WDR19: variants seen among roughly 807,000 people sequenced by gnomAD.
WDR19 encodes the protein WD repeat-containing protein 19.
Under a neutral mutation model 180.0 loss-of-function variants are expected in WDR19, and 121 were observed. The ratio of observed to expected loss-of-function variants is 0.67; its 90% CI spans 0.58 to 0.78. The LOEUF is 0.78. Among genes scored for constraint, WDR19 ranks in the 30% least tolerant of loss-of-function variants. The pLI, the probability that WDR19 is intolerant of heterozygous loss-of-function variation, is 0.00. For missense variants in WDR19, 1,450 were observed against 1,640.7 expected (o/e 0.88, Z 2.01); for synonymous variants, 497 against 540.7 (o/e 0.92, Z 1.12).
In WDR19 at chr4:39,192,646, G is replaced by C. The variant is rs146095795; in HGVS notation, c.291-1898G>C. Among the ~76,000 whole-genome samples the C allele has an allele frequency of 4.9e-3, 751 of 152,240 alleles. 2 individuals are homozygous for C. The highest frequency in any genetic ancestry group is 0.017 in the African/African-American group (701 of 41,554). On this transcript the variant is annotated intron_variant, in intron 4 of 36. Coordinates refer to ENST00000399820, the MANE Select transcript of WDR19 (RefSeq NM_025132.4). ...CCAGCTAAATTTTGTATTTTTAGTA[G>C]AGATGGGGTTCCACCATCTTGGCCA...
intron 31 of WDR19, among the ~76,000 whole-genome samples, chr4:39,271,580 A>G (rs867059152): frequency 2.6e-5 from 4 of 152,204 alleles, no homozygotes; most frequent in South Asian, 4.1e-4. Context: ...AAAAAAAGAC[A>G]CAATACAACT....
chr4:39,261,860 G>A (rs2109468439), intron 28 of WDR19, among the ~76,000 whole-genome samples: 1 of 152,260 alleles, frequency 6.6e-6, no homozygotes, highest in East Asian at 1.9e-4. Context: ...AGGACATGTA[G>A]TGAGTGAAAC....
chr4:39,217,233 T>C lies in WDR19; in HGVS notation c.1349T>C (p.Leu450Ser). 1 of 1,593,180 alleles carries C rather than the reference T, an allele frequency of 6.3e-7. No individual in the cohort carries two copies. Among genetic ancestry groups the C allele is most frequent in the Non-Finnish European group, 8.6e-7 (1 of 1,168,806 alleles). ...GCACTTTTTGAAGGCAAAGTCCAGT[T>C]ACATTTGGTAAGTATAATTTTGATG... is the stretch of plus-strand genomic sequence containing the variant. ...AAALFEGKVQ[L>S]HLIESEILDA... The change falls in exon 13 of 37, where the codon TTA becomes TCA. Residue 450 changes from leucine (L) to serine (S), a missense_variant. By Grantham distance (145) the Leu-to-Ser change is moderately radical (BLOSUM62 -2). Transcript: ENST00000399820.
At position 39,285,738 on chromosome 4, in the gene WDR19, C is replaced by CATA. The variant is rs1737138775; in HGVS notation, c.*268_*270dup. On this transcript the variant is annotated 3_prime_UTR_variant, in exon 37 of 37. Coordinates refer to ENST00000399820, the MANE Select transcript of WDR19 (RefSeq NM_025132.4). ...CTGCACTGTTAATAGTAACCTATGACATAATTGTAAATATTCAGCTTTTTG... is the reference window on the plus strand; with the variant it reads ...CTGCACTGTTAATAGTAACCTATGACATAATAATTGTAAATATTCAGCTTTTTG... The CATA allele has an allele frequency of 6.6e-6, 1 of 152,182 alleles. No individual in the cohort carries two copies. Among genetic ancestry groups the CATA allele is most frequent in the African/African-American group, 2.4e-5 (1 of 41,444 alleles). 9.4% of individuals were successfully genotyped at this position (152,182 alleles called of 1,614,324 possible). A position where few individuals can be genotyped will look rare whatever the true frequency, so the allele number is the denominator to read the frequency against.
In WDR19 at chr4:39,217,996, T is replaced by C; in HGVS notation, c.1370T>C (p.Ile457Thr). ...TTTACGTTTTAGATAGAAAGCGAAA[T>C]CTTGGATGCTCAAGAAGAACGTGAG... ...KVQLHLIESE[I>T]LDAQEERETR... The change falls in exon 14 of 37, where the codon ATC (isoleucine) becomes ACC (threonine). Residue 457 changes from isoleucine to threonine, a missense_variant. Ile to Thr is a moderately conservative substitution (Grantham distance 89). Transcript: ENST00000399820. The C allele has an allele frequency of 6.2e-7, 1 of 1,613,638 alleles. No homozygotes were observed. The highest frequency in any genetic ancestry group is 8.5e-7 in the Non-Finnish European group (1 of 1,179,756).
At chr4:39,267,025 G>C (rs1182698154) in intron 29 of WDR19, among the ~76,000 whole-genome samples, 2 of 152,258 alleles carry the variant, frequency 1.3e-5, no homozygotes, top group East Asian at 3.8e-4. Flanking sequence ...AGAGGTTGCA[G>C]TGAACCGAGA....
chr4:39,260,852 T>A (rs1734216918), intron 28 of WDR19, among the ~76,000 whole-genome samples: 1 of 152,164 alleles, frequency 6.6e-6, no homozygotes, highest in Non-Finnish European at 1.5e-5. Context: ...TTCTCTCCCT[T>A]CCTCTTAAGG....
At chr4:39,284,894 C>T (rs1283727225) in intron 36 of WDR19, among the ~76,000 whole-genome samples, 1 of 152,070 alleles carries the variant, frequency 6.6e-6, no homozygotes. Flanking sequence ...CCTTCAGAAA[C>T]GTCACTATAG....
At chr4:39,220,936 G>C (rs917090787) in intron 14 of WDR19, among the ~76,000 whole-genome samples, 1 of 131,202 alleles carries the variant, frequency 7.6e-6, no homozygotes, top group Non-Finnish European at 1.5e-5. Context: ...TGCTTGGGCT[G>C]GTCTTGAACT....
intron 24 of WDR19, among the ~76,000 whole-genome samples, chr4:39,252,122 T>C (rs1175968508): frequency 6.6e-6 from 1 of 151,666 alleles, no homozygotes; most frequent in Non-Finnish European, 1.5e-5. Flanking sequence ...TGTCCAACAA[T>C]GATAGACTGG....
At chr4:39,252,156 C>T (rs10003834) in intron 24 of WDR19, among the ~76,000 whole-genome samples, 11,735 of 151,360 alleles carry the variant, frequency 0.078, 1,433 homozygotes, top group African/African-American at 0.27. Flanking sequence ...GGCACATATA[C>T]ATCATGGAAT....
chr4:39,186,727 GT>G, intron 3 of WDR19, 123 bp downstream of exon 3: 7 of 653,856 alleles, frequency 1.1e-5, no homozygotes, highest in Non-Finnish European at 1.7e-5. Context: ...AAAGGGATTT[GT>G]TTTTTTAGCC....
chr4:39,183,748 G>A (rs1577813362), intron 1 of WDR19, among the ~76,000 whole-genome samples: 1 of 152,094 alleles, frequency 6.6e-6, no homozygotes, highest in Admixed American at 6.5e-5. Flanking sequence ...CAATTTAAAC[G>A]ACTTACTTAA....
At chr4:39,274,054 T>G (rs1735658235) in intron 32 of WDR19, 2 of 152,258 alleles carry the variant, frequency 1.3e-5, no homozygotes, top group African/African-American at 4.8e-5. Flanking sequence ...TCAATAGAGC[T>G]TTATGTTTGG....
At chr4:39,264,113 G>T (rs1364932902) in intron 28 of WDR19, among the ~76,000 whole-genome samples, 1 of 152,132 alleles carries the variant, frequency 6.6e-6, no homozygotes, top group African/African-American at 2.4e-5. Context: ...CCCTGTACAT[G>T]TATTGACTTA....
At chr4:39,234,557 C>T (rs1249859232) in intron 19 of WDR19, among the ~76,000 whole-genome samples, 1 of 151,760 alleles carries the variant, frequency 6.6e-6, no homozygotes, top group Non-Finnish European at 1.5e-5. Context: ...TTTTTTTGCC[C>T]CTCCAAGAAT....
intron 14 of WDR19, among the ~76,000 whole-genome samples, chr4:39,220,343 G>A (rs544200784): frequency 1.3e-5 from 2 of 152,078 alleles, no homozygotes; most frequent in African/African-American, 4.8e-5. Flanking sequence ...TTTAGAGACA[G>A]GATGTCACTC....
intron 28 of WDR19, among the ~76,000 whole-genome samples, chr4:39,264,283 T>C (rs182598244): frequency 1.2e-3 from 186 of 152,366 alleles, no homozygotes; most frequent in African/African-American, 4.1e-3. Flanking sequence ...TTCTCTGTCC[T>C]GGCTTATTCA....
chr4:39,252,800 C>A (rs950210707), intron 24 of WDR19, among the ~76,000 whole-genome samples: 1 of 151,730 alleles, frequency 6.6e-6, no homozygotes, highest in African/African-American at 2.4e-5. Flanking sequence ...TATATATCAA[C>A]ATTAAGCTGT....
Sources: allele counts gnomAD v4.1 joint callset (sites outside exome capture counted in the v4.1 genomes callset), GRCh38; gene constraint gnomAD v4.1.1; transcripts MANE v1.5; gene names NCBI Gene and HGNC (gene_info 2026-07-23, HGNC 2026-07-21).